CLVS1: variants seen among roughly 807,000 people sequenced by gnomAD.
The protein encoded by CLVS1 is clavesin-1.
A neutral mutation model predicts 33.1 loss-of-function variants in CLVS1; 10 were observed. The ratio of observed to expected loss-of-function variants is 0.30; its 90% CI spans 0.19 to 0.51. CLVS1 has a LOEUF of 0.51. CLVS1 is among the 20% of genes least tolerant of loss of function. CLVS1 has a pLI of 0.97. For missense variants in CLVS1, 343 were observed against 433.4 expected (o/e 0.79, Z 1.85); for synonymous variants, 163 against 166.1 (o/e 0.98, Z 0.14).
At chr8:61,034,742 AT>A in the CLVS1 span, among the ~76,000 whole-genome samples, 1 of 152,194 alleles carries the variant, frequency 6.6e-6, no homozygotes, top group Non-Finnish European at 1.5e-5. Context: ...TTTACTTGCA[AT>A]GGCGGTGAAA....
chr8:61,210,710 T>A (rs1299952561), intron 2 of CLVS1, among the ~76,000 whole-genome samples: 1 of 152,186 alleles, frequency 6.6e-6, no homozygotes, highest in Non-Finnish European at 1.5e-5. Flanking sequence ...GAGAAATAAG[T>A]CCTGCCTGGA....
chr8:60,975,539 C>G, the CLVS1 span, among the ~76,000 whole-genome samples: 584 of 152,182 alleles, frequency 3.8e-3, 3 homozygotes, highest in Non-Finnish European at 6.6e-3. Flanking sequence ...TATGCTGCCA[C>G]AAGACAAAAA....
intron 5 of CLVS1, among the ~76,000 whole-genome samples, chr8:61,463,165 A>G (rs542556335): frequency 2.6e-5 from 4 of 152,100 alleles, no homozygotes; most frequent in South Asian, 4.2e-4. Flanking sequence ...CTAGCTTCCA[A>G]TTTTTCTTCT....
chr8:61,286,355 A>C (rs908112803), upstream of CLVS1, among the ~76,000 whole-genome samples: 1 of 152,352 alleles, frequency 6.6e-6, no homozygotes, highest in African/African-American at 2.4e-5. Context: ...GGTTATCAAA[A>C]ATATCTTAGC....
chr8:61,371,985 A>G (rs1427345609), intron 2 of CLVS1, among the ~76,000 whole-genome samples: 2 of 152,206 alleles, frequency 1.3e-5, no homozygotes, highest in Non-Finnish European at 2.9e-5. Context: ...TGCAGTTCAC[A>G]TAGTCCTCTC....
chr8:61,138,484 C>T (rs1390646413), intron 2 of CLVS1, among the ~76,000 whole-genome samples: 1 of 152,204 alleles, frequency 6.6e-6, no homozygotes. Flanking sequence ...TGAGTGCTTA[C>T]CACGTGCCAG....
chr8:61,141,808 C>A (rs1806312898), intron 2 of CLVS1, among the ~76,000 whole-genome samples: 1 of 152,198 alleles, frequency 6.6e-6, no homozygotes, highest in Non-Finnish European at 1.5e-5. Flanking sequence ...AGGTTGTTGG[C>A]CAGTCTCTGC....
At chr8:61,379,373 C>T (rs530095246) in intron 3 of CLVS1, among the ~76,000 whole-genome samples, 3 of 151,982 alleles carry the variant, frequency 2.0e-5, no homozygotes, top group Admixed American at 6.6e-5. Context: ...ACCCTCCCCC[C>T]CTTTCCCCAC....
intron 2 of CLVS1, among the ~76,000 whole-genome samples, chr8:61,242,286 G>T (rs1385752996): frequency 6.6e-6 from 1 of 151,810 alleles, no homozygotes; most frequent in Non-Finnish European, 1.5e-5. Context: ...GTTATTCATG[G>T]TAGATTTTAA....
chr8:61,433,156 G>A (rs1013915710), intron 3 of CLVS1, among the ~76,000 whole-genome samples: 1 of 152,222 alleles, frequency 6.6e-6, no homozygotes, highest in Non-Finnish European at 1.5e-5. Flanking sequence ...GTTTCACCAT[G>A]TTGCCCAGGC....
At chr8:61,340,084 A>G (rs1437554505) in intron 2 of CLVS1, among the ~76,000 whole-genome samples, 1 of 151,876 alleles carries the variant, frequency 6.6e-6, no homozygotes, top group Non-Finnish European at 1.5e-5. Flanking sequence ...AAAGAAAGGA[A>G]AGAAAGAAAA....
At chr8:61,173,493 C>T (rs183554645) in intron 2 of CLVS1, among the ~76,000 whole-genome samples, 163 of 152,284 alleles carry the variant, frequency 1.1e-3, no homozygotes, top group Non-Finnish European at 1.7e-3. Flanking sequence ...ATGCTGTGAA[C>T]TTTCCTCTTA....
In CLVS1 at chr8:61,113,979, G is replaced by A. The variant is rs369157627; in HGVS notation, c.-242-17791G>A. Reference sequence around the variant, plus strand: ...GACGACAGCTGACTTTTGTGCAAAGGGCCAGGTAGTAAATACTTTAGGCCT... The same window carrying A: ...GACGACAGCTGACTTTTGTGCAAAGAGCCAGGTAGTAAATACTTTAGGCCT... On this transcript the variant is annotated intron_variant, in intron 1 of 2. Coordinates refer to the CLVS1 transcript ENST00000522621. Among the ~76,000 whole-genome samples, 28 of 152,280 alleles carry A rather than the reference G, an allele frequency of 1.8e-4. 1 individual carries two copies. The South Asian group carries it at 5.2e-3, about 28-fold the overall frequency.
At chr8:61,416,886 C>A (rs188740282) in intron 3 of CLVS1, among the ~76,000 whole-genome samples, 135 of 152,208 alleles carry the variant, frequency 8.9e-4, no homozygotes, top group Middle Eastern at 3.4e-3. Context: ...TGAAAAGTTC[C>A]GTCAGCCAGA....
At chr8:61,491,915 TAAC>T (rs1405363887) in intron 5 of CLVS1, among the ~76,000 whole-genome samples, 1 of 152,142 alleles carries the variant, frequency 6.6e-6, no homozygotes, top group African/African-American at 2.4e-5. Context: ...AGAATTTAAA[TAAC>T]AACAGTGATA....
At chr8:60,983,302 A>G in the CLVS1 span, among the ~76,000 whole-genome samples, 2 of 152,164 alleles carry the variant, frequency 1.3e-5, no homozygotes, top group Non-Finnish European at 2.9e-5. Flanking sequence ...TTTGGATCTC[A>G]ATATTATTTA....
chr8:61,458,499 T>C lies in CLVS1; in HGVS notation c.934T>C (p.Ser312Pro), dbSNP rs775886309. 5.0e-6 allele frequency: 8 copies of C among 1,613,414 alleles called. No individual in the cohort carries two copies. In the Admixed American group the frequency reaches 1.2e-4, roughly 24 times the overall value. Residue 312 changes from serine (S) to proline (P), a missense_variant, in exon 5 of 6, where the codon TCC becomes CCC. Around this residue, in one of 4 missense-constraint regions of CLVS1, gnomAD observed 86 missense variants for 95.0 expected, o/e 0.91. Coordinates refer to ENST00000325897, the MANE Select transcript of CLVS1 (RefSeq NM_173519.3). ...TAATGCAATGCACGTGAAGCATACG[T>C]CCTCGAATCTGGAGAGAGAATGCTC... ...SYNAMHVKHT[S>P]SNLERECSPK...
rs532085528 is a variant in CLVS1 at position 61,264,461 on chromosome 8, T to G, written c.-151-35216T>G. Reference sequence around the variant, plus strand: ...ACCTCCCCAGTAGCTTACAGGTAAGTGTCTTTTAACAGCAGGAGTAAATTT... The same window carrying G: ...ACCTCCCCAGTAGCTTACAGGTAAGGGTCTTTTAACAGCAGGAGTAAATTT... On this transcript the variant is annotated intron_variant, in intron 2 of 2. Transcript: ENST00000522621. Among the ~76,000 whole-genome samples the G allele has an allele frequency of 4.6e-5, 7 of 152,278 alleles. No homozygotes were observed. The South Asian group carries it at 1.4e-3, about 32-fold the overall frequency.
At chr8:61,381,911 T>C (rs573133653) in intron 3 of CLVS1, among the ~76,000 whole-genome samples, 2 of 152,320 alleles carry the variant, frequency 1.3e-5, no homozygotes, top group East Asian at 3.9e-4. Context: ...TGCATGCATG[T>C]GCCTTTGTGG....
Sources: gnomAD v4.1 joint callset for allele counts (sites outside exome capture counted in the v4.1 genomes callset) on GRCh38, gnomAD v4.1.1 for gene constraint, gnomAD v4.1.1 regional missense constraint, MANE v1.5 for transcripts, NCBI Gene and HGNC (gene_info 2026-07-23, HGNC 2026-07-21) for gene names.